The following KAT6A variants were observed in gnomAD, a reference collection of about 807,000 sequenced individuals.
The protein encoded by KAT6A is histone acetyltransferase KAT6A.
KAT6A carries 9 observed loss-of-function variants against 198.4 expected under a neutral mutation model. That is an observed-to-expected ratio of 0.05 (90% CI 0.03 to 0.08). The LOEUF is 0.08. Ranked by LOEUF, KAT6A falls within the 10% of genes least tolerant of loss-of-function variation. The pLI is 1.00. For missense variants in KAT6A, 2,077 were observed against 2,509.9 expected, an observed-to-expected ratio of 0.83 and a Z score of 3.69; for synonymous variants, 890 against 883.0, an observed-to-expected ratio of 1.01 and a Z score of -0.14.
intron 2 of KAT6A, among the ~76,000 whole-genome samples, chr8:42,020,643 T>C (rs1000187209): frequency 6.6e-6 from 1 of 152,182 alleles, no homozygotes; most frequent in South Asian, 2.1e-4. Context: ...TTTAAGATAA[T>C]TACTCAAGAG....
chr8:42,013,995 A>G (rs1406675754), intron 2 of KAT6A, among the ~76,000 whole-genome samples: 1 of 152,248 alleles, frequency 6.6e-6, no homozygotes, highest in Non-Finnish European at 1.5e-5. Flanking sequence ...TGGACAACAC[A>G]GAAACGAAAA....
chr8:41,942,914 T>C lies in KAT6A; in HGVS notation c.2315A>G (p.Glu772Gly). Residue 772 changes from glutamate (E) to glycine (G), a missense_variant, in exon 14 of 17, where the codon GAA becomes GGA. By Grantham distance (98) the Glu-to-Gly change is moderately conservative (BLOSUM62 -2). Transcript: ENST00000265713. Reference protein sequence around the residue: ...LNLRPVDVDPECLRWTPVIVS... With the variant: ...LNLRPVDVDPGCLRWTPVIVS... ...TATGACTGGAGTCCAGCGCAAACAT[T>C]CTGGATCTACATCTACAGGTCGCAA... 1 of 1,614,104 alleles carries C rather than the reference T, an allele frequency of 6.2e-7. No individual in the cohort carries two copies. The highest frequency in any genetic ancestry group is 8.5e-7 in the Non-Finnish European group (1 of 1,180,016).
At chr8:41,964,627 G>GAAAAAA (rs61710510) in intron 8 of KAT6A, among the ~76,000 whole-genome samples, 5 of 130,916 alleles carry the variant, frequency 3.8e-5, no homozygotes, top group South Asian at 2.3e-4. Flanking sequence ...TCCAAAATCT[G>GAAAAAA]AAAAAAAAAA....
Position 41,977,259 on chromosome 8 carries a change from G to T in KAT6A, c.1112C>A (p.Ser371Tyr). 3 of 1,614,192 alleles carry T rather than the reference G, an allele frequency of 1.9e-6. No homozygotes were observed. Among genetic ancestry groups the T allele is most frequent in the Non-Finnish European group, 1.7e-6 (2 of 1,180,022 alleles). ...GRGRKRKITL[S>Y]SQSASSSSEE... is the part of the protein sequence containing the mutation. Reference sequence around the variant, plus strand: ...TGATGATGATGATGCTGATTGGCTGGAAAGAGTGATTTTTCGTTTCCTACC... The same window carrying T: ...TGATGATGATGATGCTGATTGGCTGTAAAGAGTGATTTTTCGTTTCCTACC... Residue 371 changes from serine to tyrosine, a missense_variant, in exon 7 of 17, where the codon TCC becomes TAC. Coordinates refer to ENST00000265713, the MANE Select transcript of KAT6A (RefSeq NM_006766.5).
chr8:41,966,609 G>A (rs1334912674), intron 8 of KAT6A, among the ~76,000 whole-genome samples: 1 of 152,074 alleles, frequency 6.6e-6, no homozygotes, highest in Non-Finnish European at 1.5e-5. Context: ...CCTTAGGACT[G>A]CTGCTTCTGT....
At position 41,933,219 on chromosome 8, in the gene KAT6A, T is replaced by C. The variant is rs555176290; in HGVS notation, c.5001A>G (p.Gln1667=). 7.0e-6 allele frequency: 11 copies of C among 1,576,032 alleles called. No homozygotes were observed. The South Asian group carries it at 1.1e-4, about 16-fold the overall frequency. ...QQPQPPPPQP[Q]PAPQPPPPQQ... is the part of the protein sequence containing the mutation. ...GGGGTGGTGGAGGCTGTGGTGCTGG[T>C]TGTGGTTGTGGCGGCGGCGGCTGTG... is the stretch of plus-strand genomic sequence containing the variant. The change falls in exon 17 of 17, where the codon CAA becomes CAG. Residue 1667 remains glutamine (Q), a synonymous_variant. Coordinates refer to ENST00000265713, the MANE Select transcript of KAT6A (RefSeq NM_006766.5). This position sits in a 1 kb window ranked among gnomAD's most constrained non-coding sequence, Gnocchi z 6.2.
At chr8:42,033,718 T>C (rs527856407) in intron 2 of KAT6A, among the ~76,000 whole-genome samples, 2 of 152,314 alleles carry the variant, frequency 1.3e-5, no homozygotes, top group East Asian at 1.9e-4. Flanking sequence ...GTGTATTTAT[T>C]ACAGAGACGA....
At position 41,981,898 on chromosome 8, in the gene KAT6A, G is replaced by A. The variant is rs1296782375; in HGVS notation, c.766C>T (p.Arg256Trp). The change falls in exon 4 of 17, where the codon CGG (arginine) becomes TGG (tryptophan). Residue 256 changes from arginine (R) to tryptophan (W), a missense_variant. Arg to Trp is a moderately radical substitution (Grantham distance 101). This residue lies in a region of KAT6A where 89 missense variants were observed against 154.4 expected (regional missense o/e 0.58). Transcript: ENST00000265713. ...PELTVRVKALRWQCIECKTCS... is the reference protein window; with the variant it reads ...PELTVRVKALWWQCIECKTCS... ...GTTTTACACTCGATGCACTGCCACCGTAAGGCCTTCACTCGAACCGTTAGT... is the reference window on the plus strand; with the variant it reads ...GTTTTACACTCGATGCACTGCCACCATAAGGCCTTCACTCGAACCGTTAGT... The A allele has an allele frequency of 1.4e-5, 23 of 1,613,856 alleles. No homozygotes were observed. The highest frequency in any genetic ancestry group is 4.5e-5 in the East Asian group (2 of 44,884).
intron 7 of KAT6A, among the ~76,000 whole-genome samples, chr8:41,975,486 A>G (rs767354223): frequency 4.6e-5 from 7 of 152,210 alleles, no homozygotes; most frequent in African/African-American, 7.2e-5. Context: ...TGCTCTCTTT[A>G]TAAGTATGGC....
chr8:41,981,292 T>C (rs1325498224), intron 4 of KAT6A, among the ~76,000 whole-genome samples: 1 of 152,192 alleles, frequency 6.6e-6, no homozygotes, highest in Non-Finnish European at 1.5e-5. Context: ...CACTCCAGCC[T>C]GGGCGACAGA....
At chr8:41,980,652 T>C (rs1433990472) in intron 5 of KAT6A, among the ~76,000 whole-genome samples, 194 bp downstream of exon 5, 1 of 152,194 alleles carries the variant, frequency 6.6e-6, no homozygotes, top group Non-Finnish European at 1.5e-5. Context: ...AATAAATCCG[T>C]ATCATGTAAG....
rs546438343 is a variant in KAT6A at position 42,002,334 on chromosome 8, T to C, written c.601-14771A>G. 2.6e-5 allele frequency among the ~76,000 whole-genome samples: 4 copies of C among 152,270 alleles called. No homozygotes were observed. In the East Asian group the frequency reaches 5.8e-4, roughly 22 times the overall value. On this transcript the variant is annotated intron_variant, in intron 2 of 16. Coordinates refer to ENST00000265713, the MANE Select transcript of KAT6A (RefSeq NM_006766.5). ...TATTGTTTTCAGCTTTTTCTTTACATAGATTTAAAACAAAACAAAACAAAA... is the reference window on the plus strand; with the variant it reads ...TATTGTTTTCAGCTTTTTCTTTACACAGATTTAAAACAAAACAAAACAAAA...
chr8:41,960,826 C>T (rs1823170431), intron 8 of KAT6A, among the ~76,000 whole-genome samples: 2 of 152,242 alleles, frequency 1.3e-5, no homozygotes, highest in Middle Eastern at 3.4e-3. Flanking sequence ...TTTCTCTCTA[C>T]GCAGCTTAGA....
At chr8:42,019,589 C>T (rs1297799567) in intron 2 of KAT6A, among the ~76,000 whole-genome samples, 1 of 152,122 alleles carries the variant, frequency 6.6e-6, no homozygotes, top group Non-Finnish European at 1.5e-5. Context: ...AACTACTCTG[C>T]CAAATTCACA....
intron 8 of KAT6A, among the ~76,000 whole-genome samples, chr8:41,966,512 G>C (rs1823501225): frequency 6.6e-6 from 1 of 152,030 alleles, no homozygotes; most frequent in Non-Finnish European, 1.5e-5. Context: ...CTGTATAGTA[G>C]TCATTGCTTC....
At chr8:41,947,014 A>T (rs1008523861) in intron 11 of KAT6A, among the ~76,000 whole-genome samples, 6 of 152,212 alleles carry the variant, frequency 3.9e-5, no homozygotes, top group Non-Finnish European at 1.5e-5. Context: ...ACAAATGATG[A>T]ATCAGTGTGC....
chr8:41,948,826 CT>C (rs1822524195), intron 10 of KAT6A, among the ~76,000 whole-genome samples: 1 of 152,068 alleles, frequency 6.6e-6, no homozygotes, highest in African/African-American at 2.4e-5. Flanking sequence ...TCAATTAATA[CT>C]TGGCACGAAA....
chr8:41,951,182 A>C (rs1230666025), intron 9 of KAT6A, among the ~76,000 whole-genome samples: 3 of 152,054 alleles, frequency 2.0e-5, no homozygotes, highest in Admixed American at 6.6e-5. Context: ...AAAAAAAAAA[A>C]ACAAAACTTT....
chr8:41,969,149 C>T (rs1823655058), intron 8 of KAT6A, among the ~76,000 whole-genome samples: 1 of 152,112 alleles, frequency 6.6e-6, no homozygotes, highest in South Asian at 2.1e-4. Context: ...TGGATGGATT[C>T]TAATATTAAT....
Sources: allele counts gnomAD v4.1 joint callset (sites outside exome capture counted in the v4.1 genomes callset), GRCh38; gene constraint gnomAD v4.1.1; regional missense constraint gnomAD v4.1.1; non-coding constraint Gnocchi (gnomAD v3.1); transcripts MANE v1.5; gene names NCBI Gene and HGNC (gene_info 2026-07-23, HGNC 2026-07-21).